Variants in KLF3 observed in about 807,000 individuals in gnomAD.
KLF3 encodes Krueppel-like factor 3.
Under a neutral mutation model 32.7 loss-of-function variants are expected in KLF3, and 6 were observed. The observed-to-expected ratio is 0.18, with a 90% CI of 0.10 to 0.36. The LOEUF (loss-of-function observed/expected upper bound fraction) is 0.36, where lower values mean the gene tolerates loss of function less well. Among genes scored for constraint, KLF3 ranks in the 10% least tolerant of loss-of-function variants. The probability of loss-of-function intolerance (pLI) is 1.00; values close to 1 mark genes in which losing one functional copy is unlikely to be tolerated. For synonymous variants in KLF3, 145 were observed against 172.8 expected (o/e 0.84, Z 1.26); for missense variants, 338 against 449.7 (o/e 0.75, Z 2.25).
At chr4:38,691,206 A>G (rs937486185) in intron 4 of KLF3, among the ~76,000 whole-genome samples, 2 of 152,216 alleles carry the variant, frequency 1.3e-5, no homozygotes, top group Non-Finnish European at 2.9e-5. Flanking sequence ...TAACTCGCCA[A>G]TATTCACCCT....
chr4:38,684,360 C>G (rs1722625358), intron 2 of KLF3, among the ~76,000 whole-genome samples: 1 of 152,062 alleles, frequency 6.6e-6, no homozygotes, highest in African/African-American at 2.4e-5. Context: ...ACACATTCAT[C>G]AAGTATTAAT....
chr4:38,675,957 G>A (rs1275962633), intron 1 of KLF3, among the ~76,000 whole-genome samples: 4 of 152,160 alleles, frequency 2.6e-5, no homozygotes, highest in African/African-American at 9.7e-5. Context: ...ATCAGAACCT[G>A]TAAACAAATT....
At chr4:38,666,885 T>G (rs1452566668) in intron 1 of KLF3, among the ~76,000 whole-genome samples, 8 of 151,944 alleles carry the variant, frequency 5.3e-5, no homozygotes, top group Non-Finnish European at 8.8e-5. Flanking sequence ...TTTTTTCCTC[T>G]TGATGCACTG....
chr4:38,695,947 G>A (rs1241288605), intron 5 of KLF3, among the ~76,000 whole-genome samples: 1 of 152,134 alleles, frequency 6.6e-6, no homozygotes, highest in African/African-American at 2.4e-5. Flanking sequence ...GGGAAGGAAA[G>A]TGGCAAAATG....
intron 1 of KLF3, among the ~76,000 whole-genome samples, chr4:38,666,831 G>C (rs906550368): frequency 6.6e-6 from 1 of 152,196 alleles, no homozygotes; most frequent in Non-Finnish European, 1.5e-5. Flanking sequence ...GGTTCTGTGG[G>C]GTACCCCAAT....
At chr4:38,683,534 G>C (rs150411208) in intron 2 of KLF3, among the ~76,000 whole-genome samples, 11 of 151,180 alleles carry the variant, frequency 7.3e-5, no homozygotes, top group African/African-American at 2.7e-4. Context: ...ACCCAGTGTT[G>C]GCAAAATCAC....
intron 1 of KLF3, among the ~76,000 whole-genome samples, chr4:38,678,668 A>G (rs1157113653): frequency 6.6e-6 from 1 of 152,198 alleles, no homozygotes; most frequent in Admixed American, 6.5e-5. Context: ...ATATCTTAGT[A>G]TAACCCGTAG....
At chr4:38,675,672 ATT>A (rs1722324202) in intron 1 of KLF3, among the ~76,000 whole-genome samples, 1 of 152,174 alleles carries the variant, frequency 6.6e-6, no homozygotes, top group Non-Finnish European at 1.5e-5. Flanking sequence ...AACTGGATTG[ATT>A]TACTGCCGGT....
chr4:38,699,835 T>A lies in KLF3; in HGVS notation c.*2572T>A, dbSNP rs1480481504. The stretch of plus-strand genomic sequence containing the variant: ...CTTTTCTTATATATATATTTGTATT[T>A]TACTATGATAGTTGAGAAATTTAGC... On this transcript the variant is annotated 3_prime_UTR_variant, in exon 6 of 6. Transcript: ENST00000261438. The A allele has an allele frequency of 6.6e-6, 1 of 152,206 alleles. No individual in the cohort carries two copies. The highest frequency in any genetic ancestry group is 2.4e-5 in the African/African-American group (1 of 41,450). 9.4% of individuals were successfully genotyped at this position (152,206 alleles called of 1,614,324 possible).
intron 1 of KLF3, among the ~76,000 whole-genome samples, chr4:38,673,993 ATAAT>A (rs140410256): frequency 5.9e-5 from 9 of 152,278 alleles, no homozygotes; most frequent in African/African-American, 1.9e-4. Context: ...CTGAAATGAA[ATAAT>A]TAACTTCTTT....
intron 1 of KLF3, among the ~76,000 whole-genome samples, chr4:38,676,625 T>G (rs972679781): frequency 6.6e-6 from 1 of 152,156 alleles, no homozygotes; most frequent in African/African-American, 2.4e-5. Flanking sequence ...AAAAGCATCA[T>G]CATTTAAAAG....
At chr4:38,677,505 A>G (rs1242039027) in intron 1 of KLF3, among the ~76,000 whole-genome samples, 1 of 152,232 alleles carries the variant, frequency 6.6e-6, no homozygotes, top group Non-Finnish European at 1.5e-5. Context: ...TTGAACGAAA[A>G]GGAACTCCAG....
At chr4:38,682,442 G>A (rs769169783) in intron 2 of KLF3, among the ~76,000 whole-genome samples, 3 of 152,212 alleles carry the variant, frequency 2.0e-5, no homozygotes, top group Non-Finnish European at 4.4e-5. Context: ...ACATGATCAC[G>A]TTAGAGGAAA....
At chr4:38,679,885 C>T (rs1722464857) in intron 1 of KLF3, among the ~76,000 whole-genome samples, 1 of 151,962 alleles carries the variant, frequency 6.6e-6, no homozygotes, top group Admixed American at 6.6e-5. Flanking sequence ...CTTTTTTTCC[C>T]CTAATTTTTC....
At chr4:38,679,429 C>G (rs1025595601) in intron 1 of KLF3, among the ~76,000 whole-genome samples, 1 of 152,092 alleles carries the variant, frequency 6.6e-6, no homozygotes, top group African/African-American at 2.4e-5. Context: ...TTTGGGGAAA[C>G]AGGTTGTATT....
chr4:38,675,390 T>C (rs1579119378), intron 1 of KLF3, among the ~76,000 whole-genome samples: 4 of 151,442 alleles, frequency 2.6e-5, no homozygotes, highest in South Asian at 2.1e-4. Context: ...ATTTTGCCCT[T>C]CCCCCCCCTT....
Position 38,688,767 on chromosome 4 carries a change from C to T in KLF3, c.240C>T (p.Ser80=), listed in dbSNP as rs1365663326. 1 of 1,614,240 alleles carries T rather than the reference C, an allele frequency of 6.2e-7. No homozygotes were observed. Among genetic ancestry groups the T allele is most frequent in the Admixed American group, 1.7e-5 (1 of 60,034 alleles). ...SSPPSAGNSP[S]SLKFPSSHRR... is the part of the protein sequence containing the mutation. Reference sequence around the variant, plus strand: ...CCCCTTCGGCTGGGAATTCGCCCTCCTCTCTGAAGTTCCCGTCCTCACACC... The same window carrying T: ...CCCCTTCGGCTGGGAATTCGCCCTCTTCTCTGAAGTTCCCGTCCTCACACC... Residue 80 remains serine (S), a synonymous_variant, in exon 3 of 6, where the codon TCC becomes TCT. Transcript: ENST00000261438. This position sits in a 1 kb window ranked among gnomAD's most constrained non-coding sequence, Gnocchi z 4.9.
intron 1 of KLF3, 124 bp from the exon 2 acceptor site, chr4:38,680,463 C>T: frequency 1.9e-6 from 1 of 530,010 alleles, no homozygotes; most frequent in South Asian, 2.1e-5. Flanking sequence ...ATCCGTCTGC[C>T]TCAGCCTCTC....
At chr4:38,686,662 C>G (rs986723844) in intron 2 of KLF3, among the ~76,000 whole-genome samples, 1 of 152,050 alleles carries the variant, frequency 6.6e-6, no homozygotes, top group Non-Finnish European at 1.5e-5. Flanking sequence ...TGGTTGGGAG[C>G]AGTAGAGCCC....
Sources: gnomAD v4.1 joint callset for allele counts (sites outside exome capture counted in the v4.1 genomes callset) on GRCh38, gnomAD v4.1.1 for gene constraint, Gnocchi (gnomAD v3.1) non-coding constraint, MANE v1.5 for transcripts, NCBI Gene and HGNC (gene_info 2026-07-23, HGNC 2026-07-21) for gene names.